Variants in ATP8A2 observed in about 807,000 individuals in gnomAD.
ATP8A2 encodes the protein ATPase phospholipid transporting 8A2.
ATP8A2 carries 100 observed loss-of-function variants against 165.6 expected under a neutral mutation model. The ratio of observed to expected loss-of-function variants is 0.60; its 90% confidence interval spans 0.51 to 0.71. The LOEUF is 0.71. ATP8A2 is among the 30% of genes least tolerant of loss of function. ATP8A2 has a pLI of 0.00. For missense variants in ATP8A2, 1,227 were observed against 1,479.5 expected (o/e 0.83, Z 2.80); for synonymous variants, 543 against 548.8 (o/e 0.99, Z 0.15).
intron 24 of ATP8A2, among the ~76,000 whole-genome samples, chr13:25,658,191 A>G (rs2041975344): frequency 6.6e-6 from 1 of 152,198 alleles, no homozygotes; most frequent in Admixed American, 6.5e-5. Context: ...TGTCACTAAA[A>G]ATTATCTAAG....
At chr13:25,966,690 A>G (rs1955785329) in intron 34 of ATP8A2, among the ~76,000 whole-genome samples, 1 of 152,234 alleles carries the variant, frequency 6.6e-6, no homozygotes, top group Non-Finnish European at 1.5e-5. Flanking sequence ...AGCACGCACA[A>G]TGCCTGGGAG....
chr13:25,701,427 T>A (rs1313970126), intron 25 of ATP8A2, among the ~76,000 whole-genome samples: 1 of 152,144 alleles, frequency 6.6e-6, no homozygotes, highest in Non-Finnish European at 1.5e-5. Flanking sequence ...TATGAATTTC[T>A]CCACACTGGA....
chr13:25,518,523 G>A (rs1037447673), intron 2 of ATP8A2, among the ~76,000 whole-genome samples: 3 of 137,022 alleles, frequency 2.2e-5, no homozygotes, highest in East Asian at 1.9e-4. Context: ...TTGGTGTTGC[G>A]TGTTAAGGTT....
At chr13:25,407,131 C>G (rs2033826303) in intron 1 of ATP8A2, among the ~76,000 whole-genome samples, 3 of 152,164 alleles carry the variant, frequency 2.0e-5, no homozygotes, top group African/African-American at 7.2e-5. Context: ...TCAGTGTCCA[C>G]CCAAGGTTTC....
intron 24 of ATP8A2, among the ~76,000 whole-genome samples, chr13:25,640,622 A>C (rs1483332099): frequency 1.3e-5 from 2 of 152,214 alleles, no homozygotes; most frequent in African/African-American, 2.4e-5. Context: ...ATAGCCTACT[A>C]ACCAAAAAAA....
At chr13:25,909,566 C>A (rs138013553) in intron 33 of ATP8A2, among the ~76,000 whole-genome samples, 1 of 152,048 alleles carries the variant, frequency 6.6e-6, no homozygotes, top group South Asian at 2.1e-4. Context: ...ACCTAAAATA[C>A]GTAATACAAT....
chr13:25,890,926 C>T (rs764896962), intron 33 of ATP8A2, among the ~76,000 whole-genome samples: 2 of 152,136 alleles, frequency 1.3e-5, no homozygotes, highest in South Asian at 2.1e-4. Context: ...ACCCAGAACA[C>T]GTTTTTACAA....
At chr13:25,892,863 A>G (rs1953420091) in intron 33 of ATP8A2, among the ~76,000 whole-genome samples, 1 of 151,890 alleles carries the variant, frequency 6.6e-6, no homozygotes, top group African/African-American at 2.4e-5. Context: ...CTGATAGAAA[A>G]TATTCTTCAA....
chr13:25,624,366 A>G (rs1211642383), intron 24 of ATP8A2, among the ~76,000 whole-genome samples: 2 of 152,208 alleles, frequency 1.3e-5, no homozygotes, highest in East Asian at 1.9e-4. Flanking sequence ...AAATGAAATT[A>G]CAGAAATGGC....
Position 25,563,998 on chromosome 13 carries a change from C to T in ATP8A2, c.1440C>T (p.Asp480=), listed in dbSNP as rs754902517. Residue 480 remains aspartate, a synonymous_variant, in exon 16 of 37, where the codon GAC becomes GAT. Coordinates refer to ENST00000381655, the MANE Select transcript of ATP8A2 (RefSeq NM_016529.6). ...GTAGTGATTCCTGTGACTTTGATGA[C>T]CCCAGGCTGTTGAAGAACATTGAGG... ...PPCSDSCDFD[D]PRLLKNIEDR... The T allele has an allele frequency of 1.9e-6, 3 of 1,613,150 alleles. No homozygotes were observed. The highest frequency in any genetic ancestry group is 1.7e-6 in the Non-Finnish European group (2 of 1,179,170).
chr13:25,896,314 T>C (rs1293085355), intron 33 of ATP8A2, among the ~76,000 whole-genome samples: 1 of 152,180 alleles, frequency 6.6e-6, no homozygotes, highest in Non-Finnish European at 1.5e-5. Context: ...CAGGAGCAGG[T>C]TGTTCAGTTT....
chr13:25,643,865 A>G (rs2041602152), intron 24 of ATP8A2, among the ~76,000 whole-genome samples: 1 of 151,976 alleles, frequency 6.6e-6, no homozygotes, highest in East Asian at 1.9e-4. Context: ...ACAATTTAAC[A>G]ATATTAATTA....
At chr13:25,737,031 G>A (rs907597004) in intron 25 of ATP8A2, among the ~76,000 whole-genome samples, 9 of 152,140 alleles carry the variant, frequency 5.9e-5, no homozygotes, top group Admixed American at 1.3e-4. Context: ...CAGTGCTTGT[G>A]GGATTTGTGT....
chr13:25,991,101 C>T (rs756249153), intron 35 of ATP8A2, among the ~76,000 whole-genome samples: 4 of 152,104 alleles, frequency 2.6e-5, no homozygotes, highest in African/African-American at 9.7e-5. Flanking sequence ...GCCTCTCCCT[C>T]GGGTAGTGTG....
rs573188756 is a variant in ATP8A2 at position 25,532,532 on chromosome 13, G to T, written c.466+215G>T. Among the ~76,000 whole-genome samples, 43 of 152,238 alleles carry T rather than the reference G, an allele frequency of 2.8e-4. 1 individual carries two copies. The highest frequency in any genetic ancestry group is 9.4e-4 in the African/African-American group (39 of 41,536). The stretch of plus-strand genomic sequence containing the variant: ...TTGTGTATTTTAGAATGTTAGAAAA[G>T]GTTGTAATTTTCAGGAACTAGACAG... On this transcript the variant is annotated intron_variant, in intron 5 of 36. Coordinates refer to ENST00000381655, the MANE Select transcript of ATP8A2 (RefSeq NM_016529.6).
Position 25,889,273 on chromosome 13 carries a change from T to A in ATP8A2, c.3183+26865T>A, listed in dbSNP as rs866461015. ...ATATATATATATATATATATATATA[T>A]AAAATTTAAATGATTTTAAAAAATA... On this transcript the variant is annotated intron_variant, in intron 33 of 36. Coordinates refer to ENST00000381655, the MANE Select transcript of ATP8A2 (RefSeq NM_016529.6). 1.3e-4 allele frequency among the ~76,000 whole-genome samples: 18 copies of A among 141,174 alleles called. No individual in the cohort carries two copies. In the Middle Eastern group the frequency reaches 0.011, roughly 88 times the overall value. The allele number at this position is 141,174 out of a possible 152,430, so 92.6% of individuals were successfully genotyped here. A position where few individuals can be genotyped will look rare whatever the true frequency, so the allele number is the denominator to read the frequency against.
intron 1 of ATP8A2, among the ~76,000 whole-genome samples, chr13:25,382,211 C>A (rs183125920): frequency 1.1e-4 from 16 of 152,328 alleles, no homozygotes; most frequent in Non-Finnish European, 2.1e-4. Context: ...AGATTGGCTT[C>A]TTTTACTTAG....
chr13:25,846,284 CT>C (rs1387009142), intron 30 of ATP8A2, among the ~76,000 whole-genome samples: 1 of 152,180 alleles, frequency 6.6e-6, no homozygotes, highest in Non-Finnish European at 1.5e-5. Flanking sequence ...CCTCATGGAA[CT>C]GACACCTAGA....
chr13:25,898,849 C>T (rs1263822496), intron 33 of ATP8A2, among the ~76,000 whole-genome samples: 1 of 152,366 alleles, frequency 6.6e-6, no homozygotes, highest in East Asian at 1.9e-4. Flanking sequence ...ATATAATCTC[C>T]TGGTGTGCCA....
Sources: gnomAD v4.1 joint callset for allele counts (sites outside exome capture counted in the v4.1 genomes callset) on GRCh38, gnomAD v4.1.1 for gene constraint, MANE v1.5 for transcripts, NCBI Gene and HGNC (gene_info 2026-07-23, HGNC 2026-07-21) for gene names.